GNG7: variants seen among roughly 807,000 people sequenced by gnomAD.
GNG7 encodes G protein subunit gamma 7, also known as guanine nucleotide-binding protein G(I)/G(S)/G(O) subunit gamma-7.
GNG7 carries 1 observed loss-of-function variant against 4.0 expected under a neutral mutation model. That is an observed-to-expected ratio of 0.25 (90% CI 0.09 to 1.18). The LOEUF is 1.18. Among genes scored for constraint, GNG7 ranks in the 50% most tolerant of loss-of-function variants. GNG7 has a pLI of 0.50. For synonymous variants in GNG7, 34 were observed against 36.9 expected, an observed-to-expected ratio of 0.92 and a Z score of 0.29; for missense variants, 86 against 91.9, an observed-to-expected ratio of 0.94 and a Z score of 0.26.
rs1228071123 is a variant in GNG7, at chr19:2,557,904, C to T, written c.-77-2716G>A. 1.3e-5 allele frequency among the ~76,000 whole-genome samples: 2 copies of T among 151,830 alleles called. No individual in the cohort carries two copies. Among genetic ancestry groups the T allele is most frequent in the African/African-American group, 2.4e-5 (1 of 41,310 alleles). On this transcript the variant is annotated intron_variant, in intron 2 of 4. Transcript: ENST00000382159. This position sits in a 1 kb window ranked among gnomAD's most constrained non-coding sequence, Gnocchi z 5.1. ...TCGCCCAGGCTGGACTGCAGTAGTG[C>T]GATCTCGGCTCACTGCAACCTCTGC...
chr19:2,597,895 CA>C (rs71178295), intron 2 of GNG7, among the ~76,000 whole-genome samples: 66,910 of 117,200 alleles, frequency 0.57, 17,072 homozygotes, highest in East Asian at 0.72. Context: ...GACTCTGTTT[CA>C]AAAAAAAAAA....
chr19:2,570,320 G>A (rs1980107623), intron 2 of GNG7, among the ~76,000 whole-genome samples: 1 of 152,166 alleles, frequency 6.6e-6, no homozygotes, highest in Admixed American at 6.6e-5. Context: ...CTGTGAACCA[G>A]ATAAACTTCT....
rs1290378160 is a variant in GNG7 at position 2,513,174 on chromosome 19, C to A, written c.*1848G>T. On this transcript the variant is annotated 3_prime_UTR_variant, in exon 5 of 5. Coordinates refer to ENST00000382159, the MANE Select transcript of GNG7 (RefSeq NM_052847.3). ...CCCTCTAGCCTTGGCGAGGTGGGAA[C>A]CCTGGCAGTCACCAGCTCAGGAAGT... 2.1e-6 allele frequency: 2 copies of A among 968,214 alleles called. No homozygotes were observed. The highest frequency in any genetic ancestry group is 3.5e-5 in the African/African-American group (2 of 56,852). 60.0% of individuals were successfully genotyped at this position (968,214 alleles called of 1,614,324 possible).
At chr19:2,587,673 C>T (rs1220289450) in intron 2 of GNG7, among the ~76,000 whole-genome samples, 1 of 152,070 alleles carries the variant, frequency 6.6e-6, no homozygotes, top group Admixed American at 6.5e-5. Context: ...GAGGCAGCAT[C>T]ACACCGACCG....
At chr19:2,647,163 A>C (rs865991964) in intron 1 of GNG7, among the ~76,000 whole-genome samples, 1 of 152,106 alleles carries the variant, frequency 6.6e-6, no homozygotes, top group Non-Finnish European at 1.5e-5. Context: ...TCCTGCAAAC[A>C]CCGTGGTTTA....
intron 1 of GNG7, among the ~76,000 whole-genome samples, chr19:2,696,184 AGGAGAGAGAGG>A (rs1324312741): frequency 5.5e-5 from 8 of 144,784 alleles, no homozygotes; most frequent in Non-Finnish European, 1.1e-4. Flanking sequence ...AAAGAGAGAG[AGGAGAGAGAGG>A]GGAGAGAGGG....
chr19:2,559,198 T>G (rs1172632471), intron 2 of GNG7, among the ~76,000 whole-genome samples: 2 of 152,110 alleles, frequency 1.3e-5, no homozygotes, highest in African/African-American at 4.8e-5. Context: ...AGATTCTCAT[T>G]ATTTGTGGTA....
At chr19:2,544,426 T>G (rs1979059857) in intron 3 of GNG7, among the ~76,000 whole-genome samples, 1 of 152,178 alleles carries the variant, frequency 6.6e-6, no homozygotes, top group Admixed American at 6.6e-5. Flanking sequence ...CAGAAGCCCC[T>G]GAGGACAGTG....
chr19:2,574,185 G>T (rs1286901262), intron 2 of GNG7, among the ~76,000 whole-genome samples: 1 of 152,180 alleles, frequency 6.6e-6, no homozygotes, highest in African/African-American at 2.4e-5. Flanking sequence ...CTGACATCAC[G>T]CCTTCAAACT....
chr19:2,642,379 T>C (rs1001933256), intron 2 of GNG7: 2 of 240,538 alleles, frequency 8.3e-6, no homozygotes, highest in African/African-American at 2.2e-5. Context: ...TTTGTTTCTG[T>C]TTTTTAGACA....
At position 2,618,568 on chromosome 19, in the gene GNG7, C is replaced by T. The variant is rs758992281; in HGVS notation, c.-78+27656G>A. ...TTCGCCATGTTGTCCAGGCTGGTCTCGAACTCCTGACCTCAAATGATCCAC... is the reference window on the plus strand; with the variant it reads ...TTCGCCATGTTGTCCAGGCTGGTCTTGAACTCCTGACCTCAAATGATCCAC... On this transcript the variant is annotated intron_variant, in intron 2 of 4. Transcript: ENST00000382159. The surrounding 1 kb of genome is among the most constrained non-coding windows in gnomAD (Gnocchi z 5.1). 2.6e-5 allele frequency among the ~76,000 whole-genome samples: 4 copies of T among 151,910 alleles called. No homozygotes were observed. Among genetic ancestry groups the T allele is most frequent in the Non-Finnish European group, 5.9e-5 (4 of 67,968 alleles).
rs999363157 is a variant in GNG7 at position 2,637,142 on chromosome 19, G to T, written c.-78+9082C>A. Among the ~76,000 whole-genome samples, 3 of 151,648 alleles carry T rather than the reference G, an allele frequency of 2.0e-5. No homozygotes were observed. In the South Asian group the frequency reaches 6.3e-4, roughly 32 times the overall value. ...CCAGGAAACTCCGTGGGCCTCCTCT[G>T]CCCCCTCGTGGCCGCCAGCGGTAAC... is the stretch of plus-strand genomic sequence containing the variant. On this transcript the variant is annotated intron_variant, in intron 2 of 4. Coordinates refer to ENST00000382159, the MANE Select transcript of GNG7 (RefSeq NM_052847.3).
At chr19:2,627,718 C>T (rs532599687) in intron 2 of GNG7, among the ~76,000 whole-genome samples, 29 of 152,354 alleles carry the variant, frequency 1.9e-4, no homozygotes, top group Non-Finnish European at 2.6e-4. Flanking sequence ...ACCTCAACAC[C>T]GGCAGCTGAC....
intron 2 of GNG7, among the ~76,000 whole-genome samples, chr19:2,558,645 G>A (rs1282931214): frequency 6.6e-6 from 1 of 151,952 alleles, no homozygotes; most frequent in African/African-American, 2.4e-5. Flanking sequence ...TGGGATTGTG[G>A]ATGATTTTCC....
At chr19:2,524,829 C>A (rs1356429368) in intron 3 of GNG7, among the ~76,000 whole-genome samples, 1 of 152,112 alleles carries the variant, frequency 6.6e-6, no homozygotes, top group African/African-American at 2.4e-5. Context: ...TGCGTGTTGG[C>A]GTGTGTGTAC....
intron 1 of GNG7, among the ~76,000 whole-genome samples, chr19:2,661,341 A>AAAGAAAGGAAGG (rs1983170237): frequency 6.7e-6 from 1 of 148,980 alleles, no homozygotes; most frequent in African/African-American, 2.5e-5. Context: ...AGAAAGAAAG[A>AAAGAAAGGAAGG]AAGAAAGAAA....
At position 2,609,104 on chromosome 19, in the gene GNG7, G is replaced by A. The variant is rs376133527; in HGVS notation, c.-78+37120C>T. 1.9e-4 allele frequency among the ~76,000 whole-genome samples: 29 copies of A among 151,930 alleles called. 1 individual carries two copies. Among genetic ancestry groups the A allele is most frequent in the Admixed American group, 5.9e-4 (9 of 15,238 alleles). On this transcript the variant is annotated intron_variant, in intron 2 of 4. Transcript: ENST00000382159. The surrounding 1 kb of genome is among the most constrained non-coding windows in gnomAD (Gnocchi z 4.4). The stretch of plus-strand genomic sequence containing the variant: ...TGCAGTGGTGCGATCTTGGCTCACC[G>A]CAACCTCTGCCTCTCAGGTTCAAGC...
At chr19:2,646,484 G>A (rs139197011) in intron 1 of GNG7, among the ~76,000 whole-genome samples, 8,526 of 152,228 alleles carry the variant, frequency 0.056, 357 homozygotes, top group Admixed American at 0.13. Context: ...TCAGAAGTTC[G>A]AGACCAGCCT....
intron 2 of GNG7, among the ~76,000 whole-genome samples, chr19:2,602,165 C>G (rs1258741059): frequency 2.6e-5 from 4 of 151,876 alleles, no homozygotes; most frequent in African/African-American, 9.7e-5. Flanking sequence ...GGTGAAACCC[C>G]GTCTCTACTA....
Sources: gnomAD v4.1 joint callset for allele counts (sites outside exome capture counted in the v4.1 genomes callset) on GRCh38, gnomAD v4.1.1 for gene constraint, Gnocchi (gnomAD v3.1) non-coding constraint, MANE v1.5 for transcripts, NCBI Gene and HGNC (gene_info 2026-07-23, HGNC 2026-07-21) for gene names.